The following NEMP2 variants were observed in gnomAD, a reference collection of about 807,000 sequenced individuals.
NEMP2 encodes nuclear envelope integral membrane protein 2, also known as UPF0571 transmembrane protein.
In NEMP2, 53 loss-of-function variants were observed where a neutral mutation model predicts 54.2. That is an observed-to-expected ratio of 0.98 (90% CI 0.78 to 1.23). The LOEUF (loss-of-function observed/expected upper bound fraction) is 1.23. NEMP2 is among the 50% of genes most tolerant of loss of function. The pLI is 0.00. For synonymous variants in NEMP2, 197 were observed against 190.3 expected (o/e 1.04, Z -0.29); for missense variants, 455 against 511.3 (o/e 0.89, Z 1.06).
the NEMP2 span, among the ~76,000 whole-genome samples, chr2:190,424,367 C>T: frequency 6.6e-6 from 1 of 151,456 alleles, no homozygotes; most frequent in Non-Finnish European, 1.5e-5. The surrounding 1 kb of genome is among the most constrained non-coding windows in gnomAD (Gnocchi z 5.9). Context: ...CAGAGTTTCA[C>T]TCTTATTGCC....
At chr2:190,481,645 ATT>A in the NEMP2 span, among the ~76,000 whole-genome samples, 1 of 152,116 alleles carries the variant, frequency 6.6e-6, no homozygotes, top group Admixed American at 6.5e-5. Context: ...TATTTTGCAT[ATT>A]GTCATATTTT....
At chr2:190,460,686 C>T in the NEMP2 span, among the ~76,000 whole-genome samples, 287 of 152,226 alleles carry the variant, frequency 1.9e-3, no homozygotes, top group Non-Finnish European at 3.6e-3. Context: ...CGTGATGCTG[C>T]AATCACATAT....
chr2:190,525,921 C>A lies in NEMP2; in HGVS notation c.98-543G>T, dbSNP rs2125337506. On this transcript the variant is annotated intron_variant, in intron 1 of 8. Transcript: ENST00000409150. This position sits in a 1 kb window ranked among gnomAD's most constrained non-coding sequence, Gnocchi z 5.0. ...GTGGTAAACCATAGCTACTACTATA[C>A]CATGTGGACTCCATCTTGAAAGCAG... Among the ~76,000 whole-genome samples the A allele has an allele frequency of 6.6e-6, 1 of 152,222 alleles. No individual in the cohort carries two copies. The highest frequency in any genetic ancestry group is 2.1e-4 in the South Asian group (1 of 4,826).
At chr2:190,573,770 G>A in the NEMP2 span, among the ~76,000 whole-genome samples, 149 of 152,294 alleles carry the variant, frequency 9.8e-4, 1 homozygote, top group African/African-American at 3.5e-3. Context: ...ACTAATGGTA[G>A]AGCATTTTTA....
In NEMP2 at chr2:190,523,889, T is replaced by C. The variant is rs1690838570; in HGVS notation, c.213+1374A>G. 6.6e-6 allele frequency among the ~76,000 whole-genome samples: 1 copy of C among 152,124 alleles called. No individual in the cohort carries two copies. The highest frequency in any genetic ancestry group is 2.4e-5 in the African/African-American group (1 of 41,414). ...GAGGAGGAAAATCTCTTCTTTATAG[T>C]AGAATGCCAATGAATGTAAATGGAA... is the stretch of plus-strand genomic sequence containing the variant. On this transcript the variant is annotated intron_variant, in intron 2 of 8. Transcript: ENST00000409150. This position sits in a 1 kb window ranked among gnomAD's most constrained non-coding sequence, Gnocchi z 5.3.
chr2:190,524,561 T>C (rs1429994082), intron 2 of NEMP2, among the ~76,000 whole-genome samples: 1 of 152,172 alleles, frequency 6.6e-6, no homozygotes, highest in Non-Finnish European at 1.5e-5. Flanking sequence ...GTTAACTCAC[T>C]CCACTGAAAT....
rs1236982086 is a variant in NEMP2 at position 190,523,905 on chromosome 2, G to A, written c.213+1358C>T. On this transcript the variant is annotated intron_variant, in intron 2 of 8. Transcript: ENST00000409150. This position sits in a 1 kb window ranked among gnomAD's most constrained non-coding sequence, Gnocchi z 5.3. The stretch of plus-strand genomic sequence containing the variant: ...TCTTTATAGTAGAATGCCAATGAAT[G>A]TAAATGGAATAATGGTGCCAGGCGC... Among the ~76,000 whole-genome samples, 1 of 152,090 alleles carries A rather than the reference G, an allele frequency of 6.6e-6. No homozygotes were observed. The highest frequency in any genetic ancestry group is 1.5e-5 in the Non-Finnish European group (1 of 68,006).
chr2:190,474,170 GC>G, the NEMP2 span, among the ~76,000 whole-genome samples: 1 of 140,800 alleles, frequency 7.1e-6, no homozygotes, highest in Admixed American at 6.9e-5. Context: ...AGAAGCAAGA[GC>G]AAACACATTC....
At chr2:190,628,740 A>T in the NEMP2 span, 1 of 152,210 alleles carries the variant, frequency 6.6e-6, no homozygotes, top group Non-Finnish European at 1.5e-5. This position sits in a 1 kb window ranked among gnomAD's most constrained non-coding sequence, Gnocchi z 4.1. Flanking sequence ...AGAGAGAGAG[A>T]AAGAAAAATA....
At chr2:190,568,080 C>T in the NEMP2 span, 1 of 152,152 alleles carries the variant, frequency 6.6e-6, no homozygotes, top group African/African-American at 2.4e-5. The surrounding 1 kb of genome is among the most constrained non-coding windows in gnomAD (Gnocchi z 4.7). Context: ...CAGGAAGCTA[C>T]TGCAGGATAT....
chr2:190,534,689 C>T lies in NEMP2; in HGVS notation c.-34G>A. The T allele has an allele frequency of 1.6e-6, 2 of 1,246,154 alleles. No individual in the cohort carries two copies. Among genetic ancestry groups the T allele is most frequent in the Non-Finnish European group, 2.0e-6 (2 of 992,764 alleles). 77.2% of individuals were successfully genotyped at this position (1,246,154 alleles called of 1,614,324 possible). ...GGGTCAGCTCCGTGCGACCCGAGCCCTAGGGGACCGGCTCCGCTGCGAGGA... is the reference window on the plus strand; with the variant it reads ...GGGTCAGCTCCGTGCGACCCGAGCCTTAGGGGACCGGCTCCGCTGCGAGGA... On this transcript the variant is annotated 5_prime_UTR_variant, in exon 1 of 9. Coordinates refer to ENST00000409150, the MANE Select transcript of NEMP2 (RefSeq NM_001142645.2).
the NEMP2 span, among the ~76,000 whole-genome samples, chr2:190,644,398 T>C: frequency 6.6e-6 from 1 of 152,234 alleles, no homozygotes; most frequent in African/African-American, 2.4e-5. This position sits in a 1 kb window ranked among gnomAD's most constrained non-coding sequence, Gnocchi z 4.4. Flanking sequence ...GGAGCAGTGT[T>C]CATTTACCAT....
chr2:190,457,333 A>G, the NEMP2 span, among the ~76,000 whole-genome samples: 10 of 152,230 alleles, frequency 6.6e-5, no homozygotes, highest in Non-Finnish European at 1.3e-4. This position sits in a 1 kb window ranked among gnomAD's most constrained non-coding sequence, Gnocchi z 5.1. Flanking sequence ...TTCTGACTCT[A>G]ATGATCTAAC....
chr2:190,470,951 G>T, the NEMP2 span, among the ~76,000 whole-genome samples: 1 of 152,000 alleles, frequency 6.6e-6, no homozygotes, highest in Non-Finnish European at 1.5e-5. Flanking sequence ...TGATGCAATG[G>T]TGTAGCTAGT....
the NEMP2 span, among the ~76,000 whole-genome samples, chr2:190,542,588 T>C: frequency 6.6e-6 from 1 of 152,180 alleles, no homozygotes; most frequent in Admixed American, 6.5e-5. This position sits in a 1 kb window ranked among gnomAD's most constrained non-coding sequence, Gnocchi z 4.6. Flanking sequence ...ACTTTTTTTT[T>C]TCTTCTGGCT....
rs35406133 is a variant in NEMP2 at position 190,531,979 on chromosome 2, G to GA, written c.97+2579dup. On this transcript the variant is annotated intron_variant, in intron 1 of 8. Transcript: ENST00000409150. This position sits in a 1 kb window ranked among gnomAD's most constrained non-coding sequence, Gnocchi z 4.7. ...AAAACTGACATGGCCCTCATATGGG[G>GA]AAAAAAAATATCTTCAGATGAAACT... is the stretch of plus-strand genomic sequence containing the variant. 0.2 allele frequency among the ~76,000 whole-genome samples: 29,872 copies of GA among 151,702 alleles called. 3,817 individuals are homozygous for GA. Among genetic ancestry groups the GA allele is most frequent in the Admixed American group, 0.4 (6,151 of 15,240 alleles).
rs1008884625 is a variant in NEMP2 at position 190,533,585 on chromosome 2, T to C, written c.97+974A>G. Among the ~76,000 whole-genome samples the C allele has an allele frequency of 2.6e-5, 4 of 152,152 alleles. No homozygotes were observed. Among genetic ancestry groups the C allele is most frequent in the Admixed American group, 6.5e-5 (1 of 15,278 alleles). Reference sequence around the variant, plus strand: ...AGTTGGGAGCTGTGGCAGAATCTGATAATGACCTCATCAACATCCAGTCTC... The same window carrying C: ...AGTTGGGAGCTGTGGCAGAATCTGACAATGACCTCATCAACATCCAGTCTC... On this transcript the variant is annotated intron_variant, in intron 1 of 8. Transcript: ENST00000409150. The surrounding 1 kb of genome is among the most constrained non-coding windows in gnomAD (Gnocchi z 4.3).
At chr2:190,616,617 A>G in the NEMP2 span, among the ~76,000 whole-genome samples, 13 of 152,170 alleles carry the variant, frequency 8.5e-5, no homozygotes, top group Non-Finnish European at 1.5e-4. The surrounding 1 kb of genome is among the most constrained non-coding windows in gnomAD (Gnocchi z 5.1). Context: ...GCTCACTACA[A>G]TGTATCCTCT....
At chr2:190,472,622 G>A in the NEMP2 span, among the ~76,000 whole-genome samples, 737 of 152,346 alleles carry the variant, frequency 4.8e-3, 4 homozygotes, top group Non-Finnish European at 7.7e-3. Flanking sequence ...TGGTGTACCT[G>A]AAAGTGACAG....
Sources: gnomAD v4.1 joint callset for allele counts (sites outside exome capture counted in the v4.1 genomes callset) on GRCh38, gnomAD v4.1.1 for gene constraint, Gnocchi (gnomAD v3.1) non-coding constraint, MANE v1.5 for transcripts, NCBI Gene and HGNC (gene_info 2026-07-23, HGNC 2026-07-21) for gene names.